KCNIP4: variants seen among roughly 807,000 people sequenced by gnomAD.
KCNIP4 encodes Kv channel-interacting protein 4.
KCNIP4 carries 12 observed loss-of-function variants against 34.0 expected under a neutral mutation model. The ratio of observed to expected loss-of-function variants is 0.35; its 90% CI spans 0.23 to 0.57. The LOEUF is 0.57. Ranked by LOEUF, KCNIP4 falls within the 20% of genes least tolerant of loss-of-function variation. The pLI is 0.83. For synonymous variants in KCNIP4, 124 were observed against 102.2 expected (o/e 1.21, Z -1.29); for missense variants, 238 against 311.7 (o/e 0.76, Z 1.78).
chr4:21,426,782 T>A (rs1725965523), intron 1 of KCNIP4, among the ~76,000 whole-genome samples: 1 of 152,178 alleles, frequency 6.6e-6, no homozygotes, highest in Admixed American at 6.5e-5. Context: ...AAAAATTAGT[T>A]TTAAGGCTTT....
At chr4:21,073,153 T>C (rs534067995) in intron 1 of KCNIP4, among the ~76,000 whole-genome samples, 174 of 152,274 alleles carry the variant, frequency 1.1e-3, no homozygotes, top group African/African-American at 4.0e-3. Context: ...CCATATGAAC[T>C]TTAAAGTAGT....
chr4:21,248,430 G>C (rs961043814), intron 1 of KCNIP4, among the ~76,000 whole-genome samples: 1 of 152,016 alleles, frequency 6.6e-6, no homozygotes. Context: ...GGGAATCTTC[G>C]CACGGATTTG....
Position 21,047,387 on chromosome 4 carries a change from T to C in KCNIP4, c.62-164678A>G, listed in dbSNP as rs1441816034. Among the ~76,000 whole-genome samples the C allele has an allele frequency of 2.0e-5, 3 of 152,234 alleles. No homozygotes were observed. In the East Asian group the frequency reaches 5.8e-4, roughly 29 times the overall value. ...TTCAATATGGCTTATAATGAAATGA[T>C]AGCTACCATTTCATTGAGTGTTTCC... On this transcript the variant is annotated intron_variant, in intron 1 of 8. Transcript: ENST00000382152.
chr4:20,847,757 AG>A (rs1720548796), intron 3 of KCNIP4, among the ~76,000 whole-genome samples: 2 of 152,218 alleles, frequency 1.3e-5, no homozygotes, highest in East Asian at 3.9e-4. Flanking sequence ...ATTTACTTGC[AG>A]GGGTGCCTGG....
chr4:21,536,756 G>C (rs992210574), intron 1 of KCNIP4, among the ~76,000 whole-genome samples: 1 of 151,844 alleles, frequency 6.6e-6, no homozygotes, highest in African/African-American at 2.4e-5. Context: ...ACTCCAGCCT[G>C]GCTGACAGGA....
chr4:21,103,602 A>G (rs920603113), intron 1 of KCNIP4, among the ~76,000 whole-genome samples: 1 of 151,214 alleles, frequency 6.6e-6, no homozygotes, highest in African/African-American at 2.4e-5. Flanking sequence ...TTATTATTAT[A>G]CTTTAAGTTT....
At chr4:21,638,727 A>G (rs2323043) in intron 1 of KCNIP4, among the ~76,000 whole-genome samples, 116,922 of 152,158 alleles carry the variant, frequency 0.77, 45,451 homozygotes, top group East Asian at 0.99. Flanking sequence ...ATTTCATTAA[A>G]AATGCTCCAT....
At chr4:20,957,705 A>G (rs1339188142) in intron 1 of KCNIP4, among the ~76,000 whole-genome samples, 1 of 152,168 alleles carries the variant, frequency 6.6e-6, no homozygotes, top group African/African-American at 2.4e-5. Flanking sequence ...TCAAATAAGG[A>G]GAGGCATATG....
intron 1 of KCNIP4, among the ~76,000 whole-genome samples, chr4:21,003,674 T>C (rs532050879): frequency 1.3e-5 from 2 of 152,308 alleles, no homozygotes; most frequent in African/African-American, 2.4e-5. Flanking sequence ...GGCAGAAATA[T>C]GGTTGGAATG....
At chr4:20,844,557 CTGAGGGCTTG>C (rs1454878459) in intron 3 of KCNIP4, among the ~76,000 whole-genome samples, 1 of 152,134 alleles carries the variant, frequency 6.6e-6, no homozygotes, top group East Asian at 1.9e-4. Flanking sequence ...AAGAATAACC[CTGAGGGCTTG>C]TGACAAAAGA....
At chr4:21,278,744 C>T (rs778673920) in intron 1 of KCNIP4, among the ~76,000 whole-genome samples, 1 of 150,388 alleles carries the variant, frequency 6.6e-6, no homozygotes, top group East Asian at 2.0e-4. Context: ...GAGAGATGTC[C>T]CCAAGGGCAG....
At chr4:21,370,884 T>TGG (rs1720370861) in intron 1 of KCNIP4, among the ~76,000 whole-genome samples, 1 of 83,114 alleles carries the variant, frequency 1.2e-5, no homozygotes. Context: ...CACACACACG[T>TGG]GTGTGTGTGT....
chr4:21,843,630 G>T (rs144246222), intron 1 of KCNIP4: 1 of 151,952 alleles, frequency 6.6e-6, no homozygotes, highest in African/African-American at 2.4e-5. Flanking sequence ...GCCCTGCTAA[G>T]TTCTCCCCAG....
At chr4:21,753,937 A>C (rs1490929983) in intron 1 of KCNIP4, among the ~76,000 whole-genome samples, 3 of 151,844 alleles carry the variant, frequency 2.0e-5, no homozygotes, top group Non-Finnish European at 4.4e-5. Flanking sequence ...TACTATCCCC[A>C]CCAGGAAATA....
chr4:20,796,445 A>C (rs1385137121), intron 3 of KCNIP4, among the ~76,000 whole-genome samples: 1 of 152,132 alleles, frequency 6.6e-6, no homozygotes, highest in East Asian at 1.9e-4. Flanking sequence ...TAAATGAAGT[A>C]GTGTGTGTAA....
intron 1 of KCNIP4, among the ~76,000 whole-genome samples, chr4:21,792,806 A>G (rs1282521919): frequency 6.6e-6 from 1 of 152,264 alleles, no homozygotes; most frequent in Non-Finnish European, 1.5e-5. Context: ...ATGACTTACC[A>G]AACTACCCAC....
chr4:21,472,080 A>G (rs959709627), intron 1 of KCNIP4, among the ~76,000 whole-genome samples: 2 of 152,164 alleles, frequency 1.3e-5, no homozygotes, highest in Admixed American at 1.3e-4. Context: ...CCTTGAAGTT[A>G]ACCAGAAATT....
At chr4:21,865,090 T>TC (rs1375832064) in intron 1 of KCNIP4, among the ~76,000 whole-genome samples, 1 of 151,960 alleles carries the variant, frequency 6.6e-6, no homozygotes, top group Non-Finnish European at 1.5e-5. Context: ...TCTTTTTTTT[T>TC]CTGCTGTTTC....
At chr4:21,176,153 G>A (rs1055266240) in intron 1 of KCNIP4, among the ~76,000 whole-genome samples, 13 of 152,122 alleles carry the variant, frequency 8.5e-5, no homozygotes, top group African/African-American at 3.1e-4. Flanking sequence ...TTTCTCATAT[G>A]GACTTAAGTT....
Sources: gnomAD v4.1 joint callset for allele counts (sites outside exome capture counted in the v4.1 genomes callset) on GRCh38, gnomAD v4.1.1 for gene constraint, MANE v1.5 for transcripts, NCBI Gene and HGNC (gene_info 2026-07-23, HGNC 2026-07-21) for gene names.